ANK2: variants seen among roughly 807,000 people sequenced by gnomAD.
ANK2 encodes the protein ankyrin 2.
A neutral mutation model predicts 360.5 loss-of-function variants in ANK2; 83 were observed. The observed-to-expected ratio is 0.23, with a 90% CI of 0.19 to 0.28. The LOEUF (loss-of-function observed/expected upper bound fraction) is 0.28, where lower values mean the gene tolerates loss of function less well. Ranked by LOEUF, ANK2 falls within the 10% of genes least tolerant of loss-of-function variation. The probability of loss-of-function intolerance (pLI) is 1.00; values close to 1 mark genes in which losing one functional copy is unlikely to be tolerated. For missense variants in ANK2, 4,201 were observed against 4,795.7 expected (o/e 0.88, Z 3.66); for synonymous variants, 1,740 against 1,759.5 (o/e 0.99, Z 0.28).
chr4:112,996,066 A>C (rs924481089), intron 2 of ANK2, among the ~76,000 whole-genome samples: 1 of 152,212 alleles, frequency 6.6e-6, no homozygotes, highest in Non-Finnish European at 1.5e-5. Flanking sequence ...CCAAATCGAA[A>C]ACAACCCAAA....
chr4:113,245,378 C>A (rs2042298192), intron 9 of ANK2, among the ~76,000 whole-genome samples: 1 of 152,140 alleles, frequency 6.6e-6, no homozygotes, highest in Admixed American at 6.5e-5. Context: ...AGTTCTCATG[C>A]TGCTATGAAG....
chr4:112,993,510 T>A (rs182732784), intron 2 of ANK2, among the ~76,000 whole-genome samples: 1 of 151,860 alleles, frequency 6.6e-6, no homozygotes, highest in Non-Finnish European at 1.5e-5. Flanking sequence ...GTTTCACCAT[T>A]GTGGCCAGGC....
chr4:113,109,793 TTGTC>T (rs920121424), intron 1 of ANK2, among the ~76,000 whole-genome samples: 1 of 152,176 alleles, frequency 6.6e-6, no homozygotes, highest in African/African-American at 2.4e-5. Flanking sequence ...GCAGTAGTGT[TTGTC>T]TGAATACCTG....
the ANK2 span, among the ~76,000 whole-genome samples, chr4:112,720,585 A>G: frequency 1.8e-4 from 28 of 152,292 alleles, no homozygotes; most frequent in African/African-American, 5.8e-4. Flanking sequence ...AAATTTCCCT[A>G]ATTGCTACAC....
chr4:112,809,111 A>C, the ANK2 span, among the ~76,000 whole-genome samples: 67 of 151,850 alleles, frequency 4.4e-4, no homozygotes, highest in Admixed American at 2.1e-3. Context: ...CACCCACCTC[A>C]GCCTCCCAAA....
At chr4:113,129,671 C>T (rs2095886577) in intron 1 of ANK2, among the ~76,000 whole-genome samples, 1 of 152,072 alleles carries the variant, frequency 6.6e-6, no homozygotes, top group Non-Finnish European at 1.5e-5. Context: ...GTTCATAGTA[C>T]CATTTTTCAA....
Position 112,958,035 on chromosome 4 carries a change from T to A in ANK2, c.21+53521T>A, listed in dbSNP as rs1399642226. ...AGACGCTCCTCACTTCCTAGATGGG[T>A]TGGTGGCCGGGAAGAGGCGCTCCTC... On this transcript the variant is annotated intron_variant, in intron 2 of 30. Coordinates refer to the ANK2 transcript ENST00000503271. 3.2e-3 allele frequency among the ~76,000 whole-genome samples: 420 copies of A among 129,374 alleles called. 1 individual carries two copies. The highest frequency in any genetic ancestry group is 4.9e-3 in the Middle Eastern group (1 of 206). The allele number at this position is 129,374 out of a possible 152,430, so 84.9% of individuals were successfully genotyped here. A position where few individuals can be genotyped will look rare whatever the true frequency, so the allele number is the denominator to read the frequency against.
Position 113,330,308 on chromosome 4 carries a change from G to C in ANK2, c.2963G>C (p.Gly988Ala), listed in dbSNP as rs2092041125. 4 of 1,614,066 alleles carry C rather than the reference G, an allele frequency of 2.5e-6. No homozygotes were observed. In the African/African-American group the frequency reaches 5.3e-5, roughly 22 times the overall value. ...GGAMRGCRHNGLRIIIPPRKC... is the reference protein window; with the variant it reads ...GGAMRGCRHNALRIIIPPRKC... ...GCTATGCGAGGATGCAGACACAATG[G>C]GCTCCGAATCATTATTCCACCTCGG... is the stretch of plus-strand genomic sequence containing the variant. The change falls in exon 27 of 46, where the codon GGG becomes GCG. Residue 988 changes from glycine to alanine, a missense_variant. Gly to Ala is a moderately conservative substitution (Grantham distance 60). Coordinates refer to ENST00000357077, the MANE Select transcript of ANK2 (RefSeq NM_001148.6).
At chr4:112,958,282 A>G (rs1352211421) in intron 2 of ANK2, among the ~76,000 whole-genome samples, 2 of 152,332 alleles carry the variant, frequency 1.3e-5, no homozygotes, top group East Asian at 3.9e-4. Flanking sequence ...AGATCACGCC[A>G]TTGCACTCCA....
At chr4:113,108,903 G>A (rs1413608324) in intron 1 of ANK2, among the ~76,000 whole-genome samples, 2 of 152,082 alleles carry the variant, frequency 1.3e-5, no homozygotes, top group African/African-American at 4.8e-5. Context: ...TCAGATTTTG[G>A]TGATGCTTTT....
At position 113,345,931 on chromosome 4, in the gene ANK2, G is replaced by A. The variant is rs754722115; in HGVS notation, c.4280G>A (p.Arg1427Gln). The A allele has an allele frequency of 1.2e-6, 2 of 1,613,568 alleles. No homozygotes were observed. The highest frequency in any genetic ancestry group is 2.2e-5 in the East Asian group (1 of 44,834). The change falls in exon 35 of 46, where the codon CGA (arginine) becomes CAA (glutamine). Residue 1427 changes from arginine to glutamine, a missense_variant. Around this residue, in one of 4 missense-constraint regions of ANK2, gnomAD observed 1,268 missense variants for 1,650.8 expected, o/e 0.77. Coordinates refer to ENST00000357077, the MANE Select transcript of ANK2 (RefSeq NM_001148.6). The part of the protein sequence containing the change: ...VRDTTQEPCG[R>Q]LSFMKEPKST... ...GATACGACTCAGGAACCTTGCGGACGACTATCATTTATGAAGGAGCCAAAA... is the reference window on the plus strand; with the variant it reads ...GATACGACTCAGGAACCTTGCGGACAACTATCATTTATGAAGGAGCCAAAA...
chr4:112,937,281 T>A (rs1181171856), intron 2 of ANK2, among the ~76,000 whole-genome samples: 1 of 151,962 alleles, frequency 6.6e-6, no homozygotes, highest in African/African-American at 2.4e-5. Context: ...ATAAAAGTAC[T>A]CAAGATATGT....
At chr4:113,234,571 G>A (rs2099356168) in intron 5 of ANK2, among the ~76,000 whole-genome samples, 1 of 152,106 alleles carries the variant, frequency 6.6e-6, no homozygotes, top group South Asian at 2.1e-4. Flanking sequence ...ACAGGGCTGT[G>A]TGGTTGATTG....
At chr4:113,168,832 T>G (rs531086799) in intron 1 of ANK2, among the ~76,000 whole-genome samples, 1 of 152,292 alleles carries the variant, frequency 6.6e-6, no homozygotes, top group East Asian at 1.9e-4. Flanking sequence ...AATTAAACAA[T>G]AGAGCAGTCC....
intron 2 of ANK2, among the ~76,000 whole-genome samples, chr4:113,190,479 T>G (rs2098641295): frequency 8.4e-6 from 1 of 119,442 alleles, no homozygotes; most frequent in Non-Finnish European, 1.7e-5. Context: ...CATTTTAATG[T>G]TTTTTTTTTT....
intron 2 of ANK2, among the ~76,000 whole-genome samples, chr4:112,907,678 T>C (rs1306069217): frequency 6.6e-6 from 1 of 152,210 alleles, no homozygotes; most frequent in African/African-American, 2.4e-5. Context: ...TTCTTTACAA[T>C]TAAAATAGGC....
At chr4:112,800,761 T>C in the ANK2 span, among the ~76,000 whole-genome samples, 3 of 152,130 alleles carry the variant, frequency 2.0e-5, no homozygotes, top group African/African-American at 7.2e-5. Flanking sequence ...TTCAAGCGAT[T>C]CTCCTGTCTC....
At position 113,206,982 on chromosome 4, in the gene ANK2, G is replaced by A. The variant is rs561202141; in HGVS notation, c.384+7873G>A. Among the ~76,000 whole-genome samples, 17 of 152,060 alleles carry A rather than the reference G, an allele frequency of 1.1e-4. No homozygotes were observed. The South Asian group carries it at 2.7e-3, about 24-fold the overall frequency. ...GAGGTTGCAGTGAGCTGAGATCGCT[G>A]CACTGCACCCCAGCCTGGGCAACAG... On this transcript the variant is annotated intron_variant, in intron 4 of 45. Transcript: ENST00000357077.
chr4:113,297,107 A>G (rs2072047588), intron 22 of ANK2, among the ~76,000 whole-genome samples: 1 of 152,154 alleles, frequency 6.6e-6, no homozygotes, highest in Admixed American at 6.6e-5. Flanking sequence ...GGAGTTGTCT[A>G]ATGGGTACAA....
Sources: allele counts gnomAD v4.1 joint callset (sites outside exome capture counted in the v4.1 genomes callset), GRCh38; gene constraint gnomAD v4.1.1; regional missense constraint gnomAD v4.1.1; transcripts MANE v1.5; gene names NCBI Gene and HGNC (gene_info 2026-07-23, HGNC 2026-07-21).